The following LIMK2 variants were observed in gnomAD, a reference collection of about 807,000 sequenced individuals.
LIMK2 encodes the protein LIM domain kinase 2.
In LIMK2, 35 loss-of-function variants were observed where a neutral mutation model predicts 75.7. The observed-to-expected ratio is 0.46, with a 90% confidence interval of 0.35 to 0.61. The LOEUF (loss-of-function observed/expected upper bound fraction) is 0.61, where lower values mean the gene tolerates loss of function less well. Among genes scored for constraint, LIMK2 ranks in the 20% least tolerant of loss-of-function variants. The pLI, the probability that LIMK2 is intolerant of heterozygous loss-of-function variation, is 0.00. For missense variants in LIMK2, 623 were observed against 831.0 expected (o/e 0.75, Z 3.08); for synonymous variants, 301 against 319.2 (o/e 0.94, Z 0.61).
chr22:31,242,347 C>G lies in LIMK2; in HGVS notation c.117-15944C>G, dbSNP rs117807783. ...AAAAGGATCATAAGGCTTCCTTTTT[C>G]CAGTATGTTTTTCCTCCTTTTTGAA... On this transcript the variant is annotated intron_variant, in intron 2 of 15. Coordinates refer to ENST00000331728, the MANE Select transcript of LIMK2 (RefSeq NM_005569.4). 7.8e-4 allele frequency among the ~76,000 whole-genome samples: 119 copies of G among 152,290 alleles called. 1 individual carries two copies. The East Asian group carries it at 0.023, about 29-fold the overall frequency.
chr22:31,250,527 G>A (rs747545157), intron 2 of LIMK2, among the ~76,000 whole-genome samples: 7 of 152,056 alleles, frequency 4.6e-5, no homozygotes, highest in Non-Finnish European at 7.4e-5. Context: ...CCCAAGCTCC[G>A]TTTGCCCAGC....
At chr22:31,228,925 G>A (rs531787502) in intron 2 of LIMK2, among the ~76,000 whole-genome samples, 1 of 151,598 alleles carries the variant, frequency 6.6e-6, no homozygotes, top group East Asian at 2.0e-4. Context: ...TCCAGCTGGG[G>A]GACAGAGTGA....
intron 8 of LIMK2, among the ~76,000 whole-genome samples, chr22:31,266,640 C>T (rs557038482): frequency 6.6e-6 from 1 of 152,320 alleles, no homozygotes; most frequent in African/African-American, 2.4e-5. Flanking sequence ...TTGGCACTGA[C>T]CTTCCTGCCC....
intron 8 of LIMK2, among the ~76,000 whole-genome samples, chr22:31,266,407 T>C (rs1262483650): frequency 6.6e-6 from 1 of 152,028 alleles, no homozygotes; most frequent in Non-Finnish European, 1.5e-5. Flanking sequence ...GTTTGTTAGG[T>C]GCCTGCAGAC....
chr22:31,271,221 G>T lies in LIMK2; in HGVS notation c.1383+20G>T, dbSNP rs2048953485. Reference sequence around the variant, plus strand: ...AAGTTGGTATGTCCCACTGCTCTGGGCCTGGCCTCCAGGGTCCTATCCTTC... The same window carrying T: ...AAGTTGGTATGTCCCACTGCTCTGGTCCTGGCCTCCAGGGTCCTATCCTTC... On this transcript the variant is annotated intron_variant, in intron 12 of 15. Transcript: ENST00000331728. The T allele has an allele frequency of 6.2e-7, 1 of 1,610,462 alleles. No homozygotes were observed. The highest frequency in any genetic ancestry group is 8.5e-7 in the Non-Finnish European group (1 of 1,176,756).
At chr22:31,238,518 G>A (rs190207759) in intron 2 of LIMK2, among the ~76,000 whole-genome samples, 1 of 152,274 alleles carries the variant, frequency 6.6e-6, no homozygotes, top group African/African-American at 2.4e-5. Flanking sequence ...ATCACAGAAT[G>A]TCTACACCTC....
At chr22:31,218,720 T>G (rs1224096559) in intron 1 of LIMK2, among the ~76,000 whole-genome samples, 1 of 152,210 alleles carries the variant, frequency 6.6e-6, no homozygotes, top group Non-Finnish European at 1.5e-5. Context: ...CCTGCCCTTC[T>G]GCTTTCTGCT....
intron 12 of LIMK2, among the ~76,000 whole-genome samples, 200 bp downstream of exon 12, chr22:31,271,401 C>T (rs1177910442): frequency 6.6e-6 from 1 of 152,192 alleles, no homozygotes; most frequent in East Asian, 1.9e-4. Flanking sequence ...ATTTCACCTT[C>T]TCTCATTAGC....
At position 31,278,764 on chromosome 22, in the gene LIMK2, G is replaced by C. The variant is rs2049057589; in HGVS notation, c.*323G>C. On this transcript the variant is annotated 3_prime_UTR_variant, in exon 16 of 16. Coordinates refer to ENST00000331728, the MANE Select transcript of LIMK2 (RefSeq NM_005569.4). ...CAGGAACTCCCTGGCAGTGGATTGT[G>C]GGAGGCTCTTGCTTACACTAATCAG... The C allele has an allele frequency of 4.8e-6, 1 of 207,476 alleles. No homozygotes were observed. Among genetic ancestry groups the C allele is most frequent in the African/African-American group, 2.3e-5 (1 of 43,550 alleles). 12.9% of individuals were successfully genotyped at this position (207,476 alleles called of 1,614,324 possible).
chr22:31,277,572 T>C (rs1247264838), intron 15 of LIMK2: 2 of 990,226 alleles, frequency 2.0e-6, no homozygotes, highest in African/African-American at 3.5e-5. Flanking sequence ...CTACACAGTA[T>C]TTGTTTTCTA....
chr22:31,241,581 G>A (rs986579088), intron 2 of LIMK2, among the ~76,000 whole-genome samples: 1 of 152,066 alleles, frequency 6.6e-6, no homozygotes, highest in Non-Finnish European at 1.5e-5. Flanking sequence ...CCTTCAATGT[G>A]TCTCCAAGCA....
intron 2 of LIMK2, chr22:31,248,451 G>T: frequency 6.8e-7 from 1 of 1,474,176 alleles, no homozygotes; most frequent in Non-Finnish European, 9.0e-7. Flanking sequence ...TCGTTTTCTC[G>T]GAGTCCAGAG....
At chr22:31,246,997 T>C (rs1490233098) in intron 2 of LIMK2, among the ~76,000 whole-genome samples, 1 of 152,234 alleles carries the variant, frequency 6.6e-6, no homozygotes, top group Non-Finnish European at 1.5e-5. Context: ...CAAACCCATG[T>C]GCTCTTATCA....
chr22:31,251,092 A>G (rs1236598143), intron 2 of LIMK2, among the ~76,000 whole-genome samples: 1 of 152,200 alleles, frequency 6.6e-6, no homozygotes, highest in African/African-American at 2.4e-5. Flanking sequence ...TGTCTTTCCT[A>G]CCACACTAGC....
intron 12 of LIMK2, among the ~76,000 whole-genome samples, chr22:31,271,863 C>G (rs539615437): frequency 6.6e-6 from 1 of 152,282 alleles, no homozygotes; most frequent in Non-Finnish European, 1.5e-5. Context: ...TGCCTGAAAT[C>G]ATTTTAGGAA....
intron 12 of LIMK2, 72 bp from the exon 13 acceptor site, chr22:31,272,458 C>A: frequency 7.0e-7 from 1 of 1,435,960 alleles, no homozygotes; most frequent in Non-Finnish European, 9.4e-7. Context: ...GCTTCTCTTG[C>A]CTATGCTTCC....
chr22:31,228,434 C>T (rs1031147529), intron 2 of LIMK2, among the ~76,000 whole-genome samples: 8 of 151,866 alleles, frequency 5.3e-5, no homozygotes, highest in African/African-American at 1.9e-4. Flanking sequence ...AAACAACCAC[C>T]ACCAAGAGTA....
In LIMK2 at chr22:31,277,478, G is replaced by C. The variant is rs5997935; in HGVS notation, c.1773-819G>C. On this transcript the variant is annotated intron_variant, in intron 15 of 15. Transcript: ENST00000331728. ...TTAGAGTTGAAATTTTCTGGTGGGAGAATCTATACCTTGTTCCTTTATAGG... is the reference window on the plus strand; with the variant it reads ...TTAGAGTTGAAATTTTCTGGTGGGACAATCTATACCTTGTTCCTTTATAGG... The C allele has an allele frequency of 1.1e-5, 12 of 1,110,126 alleles. No homozygotes were observed. The South Asian group carries it at 1.4e-4, about 13-fold the overall frequency. 68.8% of individuals were successfully genotyped at this position (1,110,126 alleles called of 1,614,324 possible).
chr22:31,231,420 C>T (rs1163472464), intron 2 of LIMK2, among the ~76,000 whole-genome samples: 2 of 152,172 alleles, frequency 1.3e-5, no homozygotes, highest in Non-Finnish European at 2.9e-5. Flanking sequence ...TGGCCTTCTC[C>T]AGAAGGTGTT....
Sources: gnomAD v4.1 joint callset for allele counts (sites outside exome capture counted in the v4.1 genomes callset) on GRCh38, gnomAD v4.1.1 for gene constraint, MANE v1.5 for transcripts, NCBI Gene and HGNC (gene_info 2026-07-23, HGNC 2026-07-21) for gene names.